Variants in BRWD1 observed in about 807,000 individuals in gnomAD.
BRWD1 encodes bromodomain and WD repeat domain containing 1.
A neutral mutation model predicts 251.2 loss-of-function variants in BRWD1; 82 were observed. The ratio of observed to expected loss-of-function variants is 0.33; its 90% CI spans 0.27 to 0.39. The LOEUF (loss-of-function observed/expected upper bound fraction) is 0.39, where lower values mean the gene tolerates loss of function less well. BRWD1 is among the 10% of genes least tolerant of loss of function. BRWD1 has a pLI of 1.00. For missense variants in BRWD1, 2,233 were observed against 2,711.6 expected, an observed-to-expected ratio of 0.82 and a Z score of 3.92; for synonymous variants, 918 against 902.8, an observed-to-expected ratio of 1.02 and a Z score of -0.30.
At chr21:39,289,680 A>G (rs2035746661) in intron 8 of BRWD1, among the ~76,000 whole-genome samples, 2 of 151,194 alleles carry the variant, frequency 1.3e-5, no homozygotes, top group African/African-American at 4.9e-5. Context: ...TCTATTAGCA[A>G]TTTAAAAATA....
chr21:39,210,214 G>C, intron 35 of BRWD1, 67 bp from the exon 36 acceptor site: 1 of 1,310,930 alleles, frequency 7.6e-7, no homozygotes, highest in South Asian at 1.4e-5. Flanking sequence ...AAATGCATCA[G>C]ATCTCTAAAA....
chr21:39,264,624 T>C lies in BRWD1; in HGVS notation c.1721A>G (p.Tyr574Cys), dbSNP rs148351328. ...CTGCTGAGTTTGCTCATCTAAGACA[T>C]AATTATTAGAATCTCTAATAAGTGG... ...YRPLIRDSNN[Y>C]VLDEQTQQAP... is the part of the protein sequence containing the mutation. The change falls in exon 17 of 41, where the codon TAT (tyrosine) becomes TGT (cysteine). Residue 574 changes from tyrosine (Y) to cysteine (C), a missense_variant. Around this residue, in one of 12 missense-constraint regions of BRWD1, gnomAD observed 315 missense variants for 421.8 expected, o/e 0.75. Transcript: ENST00000342449. 3.3e-5 allele frequency: 53 copies of C among 1,613,170 alleles called. No homozygotes were observed. Among genetic ancestry groups the C allele is most frequent in the Non-Finnish European group, 4.5e-5 (53 of 1,179,658 alleles).
Position 39,187,991 on chromosome 21 carries a change from A to T in BRWD1, c.*8268T>A. The T allele has an allele frequency of 1.0e-6, 1 of 985,378 alleles. No individual in the cohort carries two copies. Among genetic ancestry groups the T allele is most frequent in the Non-Finnish European group, 1.2e-6 (1 of 829,912 alleles). The allele number at this position is 985,378 out of a possible 1,614,324, so 61.0% of individuals were successfully genotyped here. A position where few individuals can be genotyped will look rare whatever the true frequency, so the allele number is the denominator to read the frequency against. On this transcript the variant is annotated 3_prime_UTR_variant, in exon 41 of 41. Transcript: ENST00000342449. ...AGCACTTTGGAGAGTTAACTACTTC[A>T]TGCAGACTAAGGCAGTTTTTAGAGG...
Position 39,212,705 on chromosome 21 carries a change from A to T in BRWD1, c.3861T>A (p.Asp1287Glu). The change falls in exon 34 of 41, where the codon GAT becomes GAA. Residue 1287 changes from aspartate (D) to glutamate (E), a missense_variant and splice_region_variant. Around this residue, in one of 12 missense-constraint regions of BRWD1, gnomAD observed 167 missense variants for 183.2 expected, o/e 0.91. Transcript: ENST00000342449. ...AAGATGTTTTAGGAAGATCACTATCATCCTAGGAATAAAATCAGAGCACCT... is the reference window on the plus strand; with the variant it reads ...AAGATGTTTTAGGAAGATCACTATCTTCCTAGGAATAAAATCAGAGCACCT... Reference protein sequence around the residue: ...ENDEQNAEDLDDSDLPKTSSG... With the variant: ...ENDEQNAEDLEDSDLPKTSSG... 1 of 1,570,726 alleles carries T rather than the reference A, an allele frequency of 6.4e-7. No homozygotes were observed. The highest frequency in any genetic ancestry group is 1.1e-5 in the South Asian group (1 of 88,518).
chr21:39,309,038 G>C (rs1032298198), intron 4 of BRWD1, among the ~76,000 whole-genome samples: 2 of 152,100 alleles, frequency 1.3e-5, no homozygotes, highest in Admixed American at 6.6e-5. Flanking sequence ...GCTGGGCATA[G>C]TGGTGTGCGC....
chr21:39,263,955 A>T (rs1055005671), intron 17 of BRWD1, among the ~76,000 whole-genome samples: 1 of 152,214 alleles, frequency 6.6e-6, no homozygotes, highest in Non-Finnish European at 1.5e-5. Flanking sequence ...CCTAATCAAG[A>T]AGTAGACAAA....
At chr21:39,286,150 G>A (rs1431212757) in intron 8 of BRWD1, among the ~76,000 whole-genome samples, 3 of 151,644 alleles carry the variant, frequency 2.0e-5, no homozygotes, top group African/African-American at 4.8e-5. Context: ...GAGTAGCTGG[G>A]ACTACAGGCG....
chr21:39,274,551 A>C, intron 12 of BRWD1, 79 bp from the exon 13 acceptor site: 1 of 1,148,540 alleles, frequency 8.7e-7, no homozygotes, highest in Non-Finnish European at 1.3e-6. Flanking sequence ...CATGCAAAAA[A>C]AGAATGTAAT....
chr21:39,249,563 A>C (rs2034320459), intron 20 of BRWD1, among the ~76,000 whole-genome samples: 1 of 152,242 alleles, frequency 6.6e-6, no homozygotes, highest in African/African-American at 2.4e-5. Flanking sequence ...CCACAAAAGC[A>C]GATGAGATTA....
intron 40 of BRWD1, 62 bp from the exon 41 acceptor site, chr21:39,197,477 A>G: frequency 7.4e-7 from 1 of 1,345,960 alleles, no homozygotes; most frequent in African/African-American, 1.5e-5. Context: ...TATATGTTCA[A>G]TATTAAAAAC....
rs774634358 is a variant in BRWD1, at chr21:39,199,368, C to G, written c.5048G>C (p.Ser1683Thr). Residue 1683 changes from serine (S) to threonine (T), a missense_variant, in exon 40 of 41, where the codon AGC becomes ACC. Ser to Thr is a moderately conservative substitution (Grantham distance 58). This residue lies in a region of BRWD1 where 928 missense variants were observed against 970.0 expected (regional missense o/e 0.96). Transcript: ENST00000342449. Reference sequence around the variant, plus strand: ...CTCTTCTTCAATTTCTGACTTTAAGCTCTGTTCATCTTCAGAATTATGTAA... The same window carrying G: ...CTCTTCTTCAATTTCTGACTTTAAGGTCTGTTCATCTTCAGAATTATGTAA... ...KLLHNSEDEQ[S>T]LKSEIEEEEL... 1.9e-6 allele frequency: 3 copies of G among 1,614,076 alleles called. No individual in the cohort carries two copies. The highest frequency in any genetic ancestry group is 2.5e-6 in the Non-Finnish European group (3 of 1,180,046).
chr21:39,216,690 C>T, intron 31 of BRWD1: 1 of 419,618 alleles, frequency 2.4e-6, no homozygotes, highest in Non-Finnish European at 4.7e-6. Flanking sequence ...CTACAATAAA[C>T]TTAGAGAAAC....
chr21:39,292,122 T>TGGGGGGGGGGGGG (rs1336734101), intron 8 of BRWD1, among the ~76,000 whole-genome samples: 2 of 2,184 alleles, frequency 9.2e-4, no homozygotes, highest in Non-Finnish European at 1.1e-3. Flanking sequence ...TTGTGGGGGG[T>TGGGGGGGGGGGGG]GGGTGGGGGT....
chr21:39,281,824 C>A (rs562635717), intron 8 of BRWD1, among the ~76,000 whole-genome samples: 3 of 151,382 alleles, frequency 2.0e-5, no homozygotes, highest in Admixed American at 6.6e-5. Context: ...GCTGAGATGG[C>A]GCCACTGCAC....
intron 21 of BRWD1, among the ~76,000 whole-genome samples, chr21:39,245,589 CTTTTTTTTTTGGTTTT>C (rs1247819075): frequency 1.6e-5 from 2 of 128,862 alleles, no homozygotes; most frequent in Non-Finnish European, 3.1e-5. Context: ...GTATTAAATA[CTTTTTTTTTTGGTTTT>C]TTTTTTTTTT....
intron 21 of BRWD1, among the ~76,000 whole-genome samples, chr21:39,241,842 C>T (rs1416122236): frequency 6.6e-6 from 1 of 152,122 alleles, no homozygotes; most frequent in Admixed American, 6.6e-5. Context: ...ATATTTCAAA[C>T]TTTTTCATTT....
intron 18 of BRWD1, among the ~76,000 whole-genome samples, chr21:39,256,534 G>A (rs897615879): frequency 1.3e-5 from 2 of 152,172 alleles, no homozygotes; most frequent in Admixed American, 6.5e-5. Context: ...CAACACTGAC[G>A]CTCTGAGCCT....
chr21:39,225,521 T>C (rs1418538168), intron 27 of BRWD1, among the ~76,000 whole-genome samples: 1 of 152,168 alleles, frequency 6.6e-6, no homozygotes, highest in Non-Finnish European at 1.5e-5. Flanking sequence ...TCCCACCATT[T>C]ACAAAACAAA....
chr21:39,218,233 G>T lies in BRWD1; in HGVS notation c.3578C>A (p.Thr1193Lys), dbSNP rs768900551. The change falls in exon 31 of 41, where the codon ACA becomes AAA. Residue 1193 changes from threonine to lysine, a missense_variant. This residue lies in a region of BRWD1 where 167 missense variants were observed against 183.2 expected (regional missense o/e 0.91). Coordinates refer to ENST00000342449, the MANE Select transcript of BRWD1 (RefSeq NM_033656.4). ...AAFAGPVDLC[T>K]YPKYCTVVAY... ...TACTACAGTACAGTACTTCGGGTAT[G>T]TACACAAATCAACAGGGCCTGCAAA... 1 of 1,611,608 alleles carries T rather than the reference G, an allele frequency of 6.2e-7. No homozygotes were observed. Among genetic ancestry groups the T allele is most frequent in the Non-Finnish European group, 8.5e-7 (1 of 1,179,394 alleles).
Sources: allele counts gnomAD v4.1 joint callset (sites outside exome capture counted in the v4.1 genomes callset), GRCh38; gene constraint gnomAD v4.1.1; regional missense constraint gnomAD v4.1.1; transcripts MANE v1.5; gene names NCBI Gene and HGNC (gene_info 2026-07-23, HGNC 2026-07-21).